Variants in CCDC51 observed in about 807,000 individuals in gnomAD.
CCDC51 encodes coiled-coil domain containing 51.
A neutral mutation model predicts 24.8 loss-of-function variants in CCDC51; 25 were observed. The ratio of observed to expected loss-of-function variants is 1.01; its 90% confidence interval spans 0.73 to 1.41. CCDC51 has a LOEUF of 1.41. CCDC51 is among the 40% of genes most tolerant of loss of function. The probability of loss-of-function intolerance (pLI) is 0.00; values close to 1 mark genes in which losing one functional copy is unlikely to be tolerated. For synonymous variants in CCDC51, 190 were observed against 204.3 expected, an observed-to-expected ratio of 0.93 and a Z score of 0.60; for missense variants, 466 against 519.1, an observed-to-expected ratio of 0.90 and a Z score of 0.99.
intron 1 of CCDC51, among the ~76,000 whole-genome samples, chr3:48,436,988 A>G (rs946603765): frequency 6.6e-6 from 1 of 152,206 alleles, no homozygotes; most frequent in African/African-American, 2.4e-5. Context: ...GCGGTGGCCA[A>G]GAAATCCTGA....
intron 1 of CCDC51, among the ~76,000 whole-genome samples, chr3:48,436,536 A>G (rs751554438): frequency 6.6e-6 from 1 of 152,206 alleles, no homozygotes; most frequent in Non-Finnish European, 1.5e-5. Flanking sequence ...GCTGGGTTCC[A>G]TGCCCATGAG....
chr3:48,446,002 T>A, the CCDC51 span, among the ~76,000 whole-genome samples: 1 of 152,144 alleles, frequency 6.6e-6, no homozygotes, highest in African/African-American at 2.4e-5. Context: ...AGAATTCTCG[T>A]GTTAGTCTTA....
chr3:48,433,759 C>A lies in CCDC51; in HGVS notation c.425G>T (p.Arg142Met), dbSNP rs1225692621. The change falls in exon 3 of 4, where the codon AGG becomes ATG. Residue 142 changes from arginine to methionine, a missense_variant. Coordinates refer to ENST00000395694, the MANE Select transcript of CCDC51 (RefSeq NM_001256964.2). The surrounding 1 kb of genome is among the most constrained non-coding windows in gnomAD (Gnocchi z 4.4). ...EVRDRLDRVS[R>M]EDSQYLELAT... is the part of the protein sequence containing the mutation. ...CAGTTCCAAGTACTGACTGTCCTCCCTGGAGACACGGTCCAAGCGGTCCCT... is the reference window on the plus strand; with the variant it reads ...CAGTTCCAAGTACTGACTGTCCTCCATGGAGACACGGTCCAAGCGGTCCCT... The A allele has an allele frequency of 6.2e-7, 1 of 1,614,118 alleles. No homozygotes were observed. Among genetic ancestry groups the A allele is most frequent in the East Asian group, 2.2e-5 (1 of 44,884 alleles).
chr3:48,443,099 G>T (rs1286385092), upstream of CCDC51, among the ~76,000 whole-genome samples: 1 of 151,808 alleles, frequency 6.6e-6, no homozygotes, highest in Non-Finnish European at 1.5e-5. Context: ...AATTAGCCGG[G>T]TATGGTGGCA....
At chr3:48,443,732 G>A (rs1473057684), upstream of CCDC51, 1 of 714,278 alleles carries the variant, frequency 1.4e-6, no homozygotes, top group Non-Finnish European at 2.2e-6. Context: ...CCATGCTTGT[G>A]TTAAAGTGAA....
intron 1 of CCDC51, among the ~76,000 whole-genome samples, chr3:48,438,537 G>T (rs1004789043): frequency 1.3e-5 from 2 of 151,854 alleles, no homozygotes; most frequent in African/African-American, 4.8e-5. Context: ...CAACAACCTC[G>T]CATCACCCCT....
At chr3:48,440,608 C>T (rs1243335311), upstream of CCDC51, 2 of 1,611,590 alleles carry the variant, frequency 1.2e-6, no homozygotes, top group Non-Finnish European at 1.7e-6. Context: ...AAAGCGAAGG[C>T]CGCGGGGAAG....
At chr3:48,440,360 C>A (rs1042857159), upstream of CCDC51, 1 of 1,611,730 alleles carries the variant, frequency 6.2e-7, no homozygotes. Context: ...GGGGTGGGGA[C>A]CGGGCGGCAG....
upstream of CCDC51, chr3:48,440,743 C>T (rs984916608): frequency 7.6e-6 from 7 of 921,934 alleles, no homozygotes; most frequent in African/African-American, 1.2e-4. Context: ...CGTTTTCCGA[C>T]GTCCGCTGCA....
Position 48,435,928 on chromosome 3 carries a change from C to G in CCDC51, c.-8-792G>C, listed in dbSNP as rs985712859. Among the ~76,000 whole-genome samples, 1 of 152,208 alleles carries G rather than the reference C, an allele frequency of 6.6e-6. No homozygotes were observed. The highest frequency in any genetic ancestry group is 6.5e-5 in the Admixed American group (1 of 15,280). The stretch of plus-strand genomic sequence containing the variant: ...CTCTTTCCTCTCCAACCTGCCATTG[C>G]TCAACAGGTTAGGTTTCTCTCATCT... On this transcript the variant is annotated intron_variant, in intron 1 of 3. Coordinates refer to ENST00000395694, the MANE Select transcript of CCDC51 (RefSeq NM_001256964.2). This position sits in a 1 kb window ranked among gnomAD's most constrained non-coding sequence, Gnocchi z 4.2.
At chr3:48,439,159 C>T (rs1160173286) in intron 1 of CCDC51, among the ~76,000 whole-genome samples, 2 of 152,164 alleles carry the variant, frequency 1.3e-5, no homozygotes, top group Non-Finnish European at 2.9e-5. Flanking sequence ...TTATTTTTTC[C>T]ATGCATATAT....
chr3:48,437,904 G>A lies in CCDC51; in HGVS notation c.-9+2084C>T, dbSNP rs1282018561. On this transcript the variant is annotated intron_variant, in intron 1 of 3. Transcript: ENST00000395694. The surrounding 1 kb of genome is among the most constrained non-coding windows in gnomAD (Gnocchi z 4.2). ...CAGGTCCCAAATCCTCTCTCCTCCT[G>A]AGACATTACTCAGTAATTGATCTGA... 1 of 151,846 alleles carries A rather than the reference G, an allele frequency of 6.6e-6. No homozygotes were observed. The highest frequency in any genetic ancestry group is 1.5e-5 in the Non-Finnish European group (1 of 68,018). 9.4% of individuals were successfully genotyped at this position (151,846 alleles called of 1,614,324 possible).
intron 2 of CCDC51, chr3:48,434,073 G>C: frequency 3.3e-6 from 4 of 1,197,692 alleles, no homozygotes; most frequent in Non-Finnish European, 4.4e-6. Flanking sequence ...AGAATCACGA[G>C]ATTTAGCCAT....
chr3:48,432,646 T>G lies in CCDC51; in HGVS notation c.998A>C (p.Gln333Pro). ...QLDGLEKTCSQMAGVVQLVKS... is the reference protein window; with the variant it reads ...QLDGLEKTCSPMAGVVQLVKS... Reference sequence around the variant, plus strand: ...TACAAGCTGAACCACCCCAGCCATTTGGCTACAAGTCTTTTCTAGGCCATC... The same window carrying G: ...TACAAGCTGAACCACCCCAGCCATTGGGCTACAAGTCTTTTCTAGGCCATC... The change falls in exon 4 of 4, where the codon CAA becomes CCA. Residue 333 changes from glutamine to proline, a missense_variant. Coordinates refer to ENST00000395694, the MANE Select transcript of CCDC51 (RefSeq NM_001256964.2). 6.2e-7 allele frequency: 1 copy of G among 1,614,268 alleles called. No individual in the cohort carries two copies. The highest frequency in any genetic ancestry group is 8.5e-7 in the Non-Finnish European group (1 of 1,180,042).
chr3:48,443,957 C>T (rs1002334913), upstream of CCDC51: 19 of 1,064,788 alleles, frequency 1.8e-5, no homozygotes, highest in Non-Finnish European at 2.2e-5. Context: ...CCTGCCATAA[C>T]ATCTTTTGCC....
Position 48,437,599 on chromosome 3 carries a change from G to A in CCDC51, c.-9+2389C>T, listed in dbSNP as rs1019446554. 5.9e-5 allele frequency among the ~76,000 whole-genome samples: 9 copies of A among 152,056 alleles called. No homozygotes were observed. Among genetic ancestry groups the A allele is most frequent in the African/African-American group, 9.7e-5 (4 of 41,374 alleles). ...AAGCAGGGCCCTGAGGGTCAAGTTCGGAATCCTGCCCCTTCAGATCCATTC... is the reference window on the plus strand; with the variant it reads ...AAGCAGGGCCCTGAGGGTCAAGTTCAGAATCCTGCCCCTTCAGATCCATTC... On this transcript the variant is annotated intron_variant, in intron 1 of 3. Coordinates refer to ENST00000395694, the MANE Select transcript of CCDC51 (RefSeq NM_001256964.2). This position sits in a 1 kb window ranked among gnomAD's most constrained non-coding sequence, Gnocchi z 4.2.
intron 2 of CCDC51, among the ~76,000 whole-genome samples, 171 bp downstream of exon 2, chr3:48,434,646 A>G (rs1185309534): frequency 6.6e-6 from 1 of 152,230 alleles, no homozygotes; most frequent in East Asian, 1.9e-4. Flanking sequence ...CGGGGAAAGT[A>G]GGTGGCACAG....
rs774865752 is a variant in CCDC51 at position 48,432,983 on chromosome 3, A to G, written c.661T>C (p.Tyr221His). Residue 221 changes from tyrosine to histidine, a missense_variant, in exon 4 of 4, where the codon TAT (tyrosine) becomes CAT (histidine). Transcript: ENST00000395694. ...TCCTGTAGTCGCACACGGTTCACAT[A>G]GGTGGAGCCAGCCACACCAATCAGG... Reference protein sequence around the residue: ...GALIGVAGSTYVNRVRLQELK... With the variant: ...GALIGVAGSTHVNRVRLQELK... The G allele has an allele frequency of 6.2e-7, 1 of 1,614,160 alleles. No homozygotes were observed. Among genetic ancestry groups the G allele is most frequent in the Non-Finnish European group, 8.5e-7 (1 of 1,180,026 alleles).
chr3:48,433,143 G>T lies in CCDC51; in HGVS notation c.501C>A (p.Ala167=). The change falls in exon 4 of 4, where the codon GCC becomes GCA. Residue 167 remains alanine, a synonymous_variant. Transcript: ENST00000395694. This position sits in a 1 kb window ranked among gnomAD's most constrained non-coding sequence, Gnocchi z 4.4. ...MLQEEKRLRT[A]YLRAEDSERE... The stretch of plus-strand genomic sequence containing the variant: ...GCTCAGAGTCTTCTGCACGCAGATA[G>T]GCTGTGCGAAGCCTCTTCTCCTCCT... The T allele has an allele frequency of 6.2e-7, 1 of 1,612,866 alleles. No individual in the cohort carries two copies. Among genetic ancestry groups the T allele is most frequent in the South Asian group, 1.1e-5 (1 of 91,052 alleles).
Sources: allele counts gnomAD v4.1 joint callset (sites outside exome capture counted in the v4.1 genomes callset), GRCh38; gene constraint gnomAD v4.1.1; non-coding constraint Gnocchi (gnomAD v3.1); transcripts MANE v1.5; gene names NCBI Gene and HGNC (gene_info 2026-07-23, HGNC 2026-07-21).